IL12B: variants seen among roughly 807,000 people sequenced by gnomAD.
IL12B encodes the protein interleukin 12B.
Under a neutral mutation model 39.2 loss-of-function variants are expected in IL12B, and 27 were observed. The observed-to-expected ratio is 0.69, with a 90% CI of 0.51 to 0.95. The LOEUF is 0.95. Among genes scored for constraint, IL12B ranks in the 40% least tolerant of loss-of-function variants. The probability of loss-of-function intolerance (pLI) is 0.00; values close to 1 mark genes in which losing one functional copy is unlikely to be tolerated. For synonymous variants in IL12B, 142 were observed against 152.1 expected (o/e 0.93, Z 0.49); for missense variants, 351 against 397.6 (o/e 0.88, Z 1.00).
intron 2 of IL12B, among the ~76,000 whole-genome samples, chr5:159,324,115 T>TTAC (rs1754149605): frequency 1.3e-5 from 2 of 152,068 alleles, no homozygotes; most frequent in South Asian, 4.2e-4. Context: ...ATTATTATTA[T>TTAC]TATTTTTAGC....
chr5:159,322,395 C>T lies in IL12B; in HGVS notation c.481G>A (p.Gly161Ser), dbSNP rs776029345. ...AGAAACCAGAGCAGTTTCACTCACC[C>T]TCTGCTGCTTTTGACACTGAATGTC... Reference protein sequence around the residue: ...DLTFSVKSSRGSSDPQGVTCG... With the variant: ...DLTFSVKSSRSSSDPQGVTCG... Residue 161 changes from glycine (G) to serine (S), a missense_variant and splice_region_variant, in exon 4 of 8, where the codon GGC becomes AGC. Physicochemically the swap from Gly to Ser is moderately conservative, Grantham distance 56 (BLOSUM62 0). Coordinates refer to ENST00000231228, the MANE Select transcript of IL12B (RefSeq NM_002187.3). The T allele has an allele frequency of 3.8e-6, 6 of 1,579,662 alleles. No individual in the cohort carries two copies. The Middle Eastern group carries it at 6.7e-4, about 175-fold the overall frequency.
chr5:159,330,038 G>A (rs1269889881), intron 1 of IL12B, among the ~76,000 whole-genome samples: 1 of 152,000 alleles, frequency 6.6e-6, no homozygotes, highest in Non-Finnish European at 1.5e-5. Flanking sequence ...TGCACGAAAG[G>A]CTTTTTAAAA....
intron 1 of IL12B, among the ~76,000 whole-genome samples, chr5:159,329,219 T>C (rs730691): frequency 0.55 from 83,840 of 151,900 alleles, 23,990 homozygotes; most frequent in Non-Finnish European, 0.63. Flanking sequence ...AAGGGAGTTA[T>C]TATTAAAGAA....
chr5:159,314,787 A>G lies in IL12B; in HGVS notation c.*1314T>C, dbSNP rs1753961004. On this transcript the variant is annotated 3_prime_UTR_variant, in exon 8 of 8. Coordinates refer to ENST00000231228, the MANE Select transcript of IL12B (RefSeq NM_002187.3). ...AGCTGAGAATGCCCAAAATATGATT[A>G]CAAAGAAGAGTTTTTATTAGTTCAG... The G allele has an allele frequency of 6.6e-6, 1 of 152,374 alleles. No individual in the cohort carries two copies. Among genetic ancestry groups the G allele is most frequent in the South Asian group, 2.1e-4 (1 of 4,830 alleles). 9.4% of individuals were successfully genotyped at this position (152,374 alleles called of 1,614,324 possible). A position where few individuals can be genotyped will look rare whatever the true frequency, so the allele number is the denominator to read the frequency against.
rs191112662 is a variant in IL12B, at chr5:159,316,874, T to C, written c.856-58A>G. 7.2e-3 allele frequency: 11,591 copies of C among 1,602,662 alleles called. 57 individuals carry two copies. Among genetic ancestry groups the C allele is most frequent in the Non-Finnish European group, 8.6e-3 (10,048 of 1,170,054 alleles). ...TTGGCAACATAGTCACAGGGTAAGC[T>C]GAGCCTGTTTCTGCAATGCATACTC... On this transcript the variant is annotated intron_variant, in intron 6 of 7. Transcript: ENST00000231228.
In IL12B at chr5:159,323,266, T is replaced by G. The variant is rs974315484; in HGVS notation, c.152A>C (p.Asp51Ala). ...GGTGATACCATCTTCTTCAGGGGTGTCACAGGTGAGGACCACCATTTCTCC... is the reference window on the plus strand; with the variant it reads ...GGTGATACCATCTTCTTCAGGGGTGGCACAGGTGAGGACCACCATTTCTCC... ...APGEMVVLTC[D>A]TPEEDGITWT... Residue 51 changes from aspartate to alanine, a missense_variant, in exon 3 of 8, where the codon GAC becomes GCC. Coordinates refer to ENST00000231228, the MANE Select transcript of IL12B (RefSeq NM_002187.3). 1 of 1,614,070 alleles carries G rather than the reference T, an allele frequency of 6.2e-7. No homozygotes were observed. The highest frequency in any genetic ancestry group is 1.7e-5 in the Admixed American group (1 of 59,996).
At chr5:159,317,444 T>C (rs1457341997) in intron 6 of IL12B, among the ~76,000 whole-genome samples, 1 of 152,242 alleles carries the variant, frequency 6.6e-6, no homozygotes, top group African/African-American at 2.4e-5. Flanking sequence ...TGTAAAATAA[T>C]ATTTAGGTAA....
chr5:159,328,580 A>G (rs977548871), intron 1 of IL12B, among the ~76,000 whole-genome samples: 2 of 152,220 alleles, frequency 1.3e-5, no homozygotes, highest in African/African-American at 4.8e-5. Context: ...TTTATATATC[A>G]TGGATAGTCA....
At chr5:159,320,086 G>T (rs1438467276) in intron 5 of IL12B, among the ~76,000 whole-genome samples, 1 of 152,178 alleles carries the variant, frequency 6.6e-6, no homozygotes, top group African/African-American at 2.4e-5. Context: ...ACGGCTAGCT[G>T]TAAGATCTGA....
In IL12B at chr5:159,323,212, A is replaced by G; in HGVS notation, c.206T>C (p.Leu69Ser). The change falls in exon 3 of 8, where the codon TTA becomes TCA. Residue 69 changes from leucine (L) to serine (S), a missense_variant. Physicochemically the swap from Leu to Ser is moderately radical, Grantham distance 145 (BLOSUM62 -2). Transcript: ENST00000231228. Reference protein sequence around the residue: ...TWTLDQSSEVLGSGKTLTIQV... With the variant: ...TWTLDQSSEVSGSGKTLTIQV... Reference sequence around the variant, plus strand: ...GATGGTCAGGGTTTTGCCAGAGCCTAAGACCTCACTGCTCTGGTCCAAGGT... The same window carrying G: ...GATGGTCAGGGTTTTGCCAGAGCCTGAGACCTCACTGCTCTGGTCCAAGGT... 1 of 1,614,134 alleles carries G rather than the reference A, an allele frequency of 6.2e-7. No homozygotes were observed. Among genetic ancestry groups the G allele is most frequent in the Middle Eastern group, 1.7e-4 (1 of 6,060 alleles).
chr5:159,329,883 G>T (rs562877856), intron 1 of IL12B, among the ~76,000 whole-genome samples: 1 of 152,110 alleles, frequency 6.6e-6, no homozygotes, highest in South Asian at 2.1e-4. Context: ...TTTTAACTGG[G>T]GCCAAAGTTA....
At chr5:159,328,357 T>G (rs917371798) in intron 1 of IL12B, among the ~76,000 whole-genome samples, 1 of 152,188 alleles carries the variant, frequency 6.6e-6, no homozygotes, top group African/African-American at 2.4e-5. Flanking sequence ...GCTTGAATTT[T>G]GGTCCCACCG....
At chr5:159,317,286 A>G (rs1754004495) in intron 6 of IL12B, among the ~76,000 whole-genome samples, 1 of 152,188 alleles carries the variant, frequency 6.6e-6, no homozygotes, top group Admixed American at 6.5e-5. Flanking sequence ...CTCACTTATA[A>G]ATAGGGATAA....
chr5:159,324,114 A>T (rs1754149580), intron 2 of IL12B, among the ~76,000 whole-genome samples: 1 of 151,806 alleles, frequency 6.6e-6, no homozygotes, highest in Admixed American at 6.6e-5. Flanking sequence ...TATTATTATT[A>T]TTATTTTTAG....
At position 159,320,658 on chromosome 5, in the gene IL12B, G is replaced by C. The variant is rs1037790045; in HGVS notation, c.483-138C>G. On this transcript the variant is annotated intron_variant, in intron 4 of 7. Coordinates refer to ENST00000231228, the MANE Select transcript of IL12B (RefSeq NM_002187.3). The stretch of plus-strand genomic sequence containing the variant: ...CCAACTGGGCTGATTTCTACCCAGA[G>C]GGTAAGAAACTGCCCTCCCCAGGAG... The C allele has an allele frequency of 1.3e-5, 10 of 748,482 alleles. No homozygotes were observed. In the African/African-American group the frequency reaches 1.7e-4, roughly 13 times the overall value. The allele number at this position is 748,482 out of a possible 1,614,324, so 46.4% of individuals were successfully genotyped here.
At position 159,323,419 on chromosome 5, in the gene IL12B, TA is replaced by T. The variant is rs199931878; in HGVS notation, c.89-91del. ...TAACCCTTCGGGCATCCCCATTGCC[TA>T]AACACAACCTTGTTTACAACAAGTA... On this transcript the variant is annotated intron_variant, in intron 2 of 7. Transcript: ENST00000231228. The T allele has an allele frequency of 6.7e-6, 8 of 1,200,970 alleles. No individual in the cohort carries two copies. The East Asian group carries it at 1.9e-4, about 29-fold the overall frequency. The allele number at this position is 1,200,970 out of a possible 1,614,324, so 74.4% of individuals were successfully genotyped here.
At chr5:159,320,248 G>T in intron 5 of IL12B, 58 bp downstream of exon 5, 2 of 1,464,590 alleles carry the variant, frequency 1.4e-6, no homozygotes, top group Non-Finnish European at 1.9e-6. Flanking sequence ...GGGGCATTGT[G>T]AACACGTGAC....
chr5:159,316,787 T>C lies in IL12B; in HGVS notation c.885A>G (p.Ser295=). 2 of 1,614,110 alleles carry C rather than the reference T, an allele frequency of 1.2e-6. No homozygotes were observed. Among genetic ancestry groups the C allele is most frequent in the South Asian group, 1.1e-5 (1 of 91,086 alleles). ...KKDRVFTDKT[S]ATVICRKNAS... is the part of the protein sequence containing the mutation. Reference sequence around the variant, plus strand: ...CATTTTTGCGGCAGATGACCGTGGCTGAGGTCTTGTCCGTGAAGACTCTAT... The same window carrying C: ...CATTTTTGCGGCAGATGACCGTGGCCGAGGTCTTGTCCGTGAAGACTCTAT... The change falls in exon 7 of 8, where the codon TCA becomes TCG. Residue 295 remains serine (S), a synonymous_variant. Coordinates refer to ENST00000231228, the MANE Select transcript of IL12B (RefSeq NM_002187.3).
chr5:159,316,632 A>G, intron 7 of IL12B, 53 bp downstream of exon 7: 2 of 1,578,924 alleles, frequency 1.3e-6, no homozygotes, highest in South Asian at 1.1e-5. Flanking sequence ...ATATCCCTGC[A>G]TCCAGGTGCA....
Sources: gnomAD v4.1 joint callset for allele counts (sites outside exome capture counted in the v4.1 genomes callset) on GRCh38, gnomAD v4.1.1 for gene constraint, MANE v1.5 for transcripts, NCBI Gene and HGNC (gene_info 2026-07-23, HGNC 2026-07-21) for gene names.